Variants in LMNA observed in about 807,000 individuals in gnomAD.
LMNA encodes the protein lamin A/C.
LMNA carries 20 observed loss-of-function variants against 70.4 expected under a neutral mutation model. That is an observed-to-expected ratio of 0.28 (90% CI 0.20 to 0.41). The LOEUF (loss-of-function observed/expected upper bound fraction) is 0.41. LMNA is among the 10% of genes least tolerant of loss of function. The pLI is 1.00. For missense variants in LMNA, 652 were observed against 917.2 expected (o/e 0.71, Z 3.73); for synonymous variants, 339 against 372.8 (o/e 0.91, Z 1.04).
rs924236721 is a variant in LMNA, at chr1:156,139,643, G to T, written c.*537G>T. 1.1e-5 allele frequency: 17 copies of T among 1,479,700 alleles called. No individual in the cohort carries two copies. Among genetic ancestry groups the T allele is most frequent in the Non-Finnish European group, 1.4e-5 (16 of 1,120,510 alleles). 91.7% of individuals were successfully genotyped at this position (1,479,700 alleles called of 1,614,324 possible). A position where few individuals can be genotyped will look rare whatever the true frequency, so the allele number is the denominator to read the frequency against. On this transcript the variant is annotated 3_prime_UTR_variant, in exon 12 of 12. Transcript: ENST00000368300. The stretch of plus-strand genomic sequence containing the variant: ...CGGGCCCCTGGGCTTGGCCTGCTGT[G>T]ATTCCACTACACCTGGCTGAGGTTC...
At chr1:156,133,179 T>C (rs1651230048) in intron 2 of LMNA, among the ~76,000 whole-genome samples, 1 of 152,044 alleles carries the variant, frequency 6.6e-6, no homozygotes, top group African/African-American at 2.4e-5. Context: ...GGTCTTGAAC[T>C]CCTGGCTGCA....
chr1:156,132,812 G>A (rs1290230723), intron 2 of LMNA, among the ~76,000 whole-genome samples: 1 of 148,778 alleles, frequency 6.7e-6, no homozygotes, highest in East Asian at 2.0e-4. Flanking sequence ...TATAAATAGA[G>A]CCATGTTCTC....
rs138889252 is a variant in LMNA at position 156,125,351 on chromosome 1, C to T, written c.357-5266C>T. Among the ~76,000 whole-genome samples, 374 of 152,200 alleles carry T rather than the reference C, an allele frequency of 2.5e-3. 1 individual carries two copies. Among genetic ancestry groups the T allele is most frequent in the Admixed American group, 6.7e-3 (103 of 15,280 alleles). On this transcript the variant is annotated intron_variant, in intron 1 of 11. Coordinates refer to ENST00000368300, the MANE Select transcript of LMNA (RefSeq NM_170707.4). ...AGTGGCTTGGGGTGGCAGCAGAAGA[C>T]GCCCTGTCACATGGCGGGAAGTCAG... is the stretch of plus-strand genomic sequence containing the variant.
At chr1:156,130,836 C>T in intron 2 of LMNA, 63 bp downstream of exon 2, 3 of 1,479,650 alleles carry the variant, frequency 2.0e-6, no homozygotes, top group Non-Finnish European at 2.8e-6. Flanking sequence ...CACTCTTCTA[C>T]CTAGGCCCTC....
intron 3 of LMNA, among the ~76,000 whole-genome samples, chr1:156,104,031 G>A (rs939468579): frequency 2.6e-5 from 4 of 152,180 alleles, no homozygotes; most frequent in Admixed American, 2.6e-4. Flanking sequence ...CCCCACTGAA[G>A]GAGGGATTGG....
chr1:156,113,009 G>A (rs557117394), upstream of LMNA, among the ~76,000 whole-genome samples: 3 of 152,212 alleles, frequency 2.0e-5, no homozygotes, highest in Admixed American at 6.5e-5. Context: ...GAGAGGATAA[G>A]GTGGGACGGG....
chr1:156,130,139 T>G (rs1397466810), intron 1 of LMNA, among the ~76,000 whole-genome samples: 2 of 152,090 alleles, frequency 1.3e-5, no homozygotes, highest in Non-Finnish European at 2.9e-5. Context: ...CCTTTGGGGC[T>G]CAGATCGAGA....
intron 1 of LMNA, among the ~76,000 whole-genome samples, chr1:156,120,801 C>T (rs1452844011): frequency 6.6e-6 from 1 of 152,148 alleles, no homozygotes; most frequent in South Asian, 2.1e-4. Flanking sequence ...ATACCTGGAC[C>T]CAGGACCCCT....
At position 156,135,894 on chromosome 1, in the gene LMNA, C is replaced by T. The variant is rs267607681; in HGVS notation, c.937-7C>T. The stretch of plus-strand genomic sequence containing the variant: ...GGAGCTCACCAAACCCTCCCACCCC[C>T]CTTCAGCTGGCAGCCAAGGAGGCGA... On this transcript the variant is annotated splice_polypyrimidine_tract_variant and splice_region_variant and intron_variant, in intron 5 of 11. Transcript: ENST00000368300. This position sits in a 1 kb window ranked among gnomAD's most constrained non-coding sequence, Gnocchi z 4.8. 4 of 1,612,960 alleles carry T rather than the reference C, an allele frequency of 2.5e-6. No individual in the cohort carries two copies. Among genetic ancestry groups the T allele is most frequent in the African/African-American group, 2.7e-5 (2 of 74,924 alleles).
At chr1:156,107,922 C>T (rs935250252) in intron 3 of LMNA, among the ~76,000 whole-genome samples, 11 of 151,806 alleles carry the variant, frequency 7.2e-5, no homozygotes, top group Admixed American at 3.3e-4. Context: ...CATGCCACCA[C>T]GCCCAGCTGA....
At chr1:156,094,148 A>G (rs1028902002) in intron 3 of LMNA, among the ~76,000 whole-genome samples, 2 of 152,206 alleles carry the variant, frequency 1.3e-5, no homozygotes, top group African/African-American at 4.8e-5. Context: ...ATCCCTAAGC[A>G]TGCATACACC....
At chr1:156,110,159 T>C (rs970348379), upstream of LMNA, among the ~76,000 whole-genome samples, 5 of 152,160 alleles carry the variant, frequency 3.3e-5, no homozygotes. Flanking sequence ...CTCTGCTTTA[T>C]ATTTTTATTT....
At chr1:156,130,188 G>C (rs1227020758) in intron 1 of LMNA, among the ~76,000 whole-genome samples, 1 of 152,190 alleles carries the variant, frequency 6.6e-6, no homozygotes, top group African/African-American at 2.4e-5. Context: ...TAGTTGTCAG[G>C]CTCCTCAGAG....
chr1:156,107,308 A>G (rs1056244317), intron 3 of LMNA, among the ~76,000 whole-genome samples: 1 of 152,192 alleles, frequency 6.6e-6, no homozygotes, highest in African/African-American at 2.4e-5. Flanking sequence ...AACCCATGCC[A>G]GTCCCTAAGT....
intron 3 of LMNA, among the ~76,000 whole-genome samples, chr1:156,107,354 C>T (rs887052691): frequency 1.3e-5 from 2 of 152,174 alleles, no homozygotes; most frequent in African/African-American, 4.8e-5. Context: ...GTGTGGCTGC[C>T]CTGTCTCCCA....
intron 1 of LMNA, chr1:156,123,304 C>T (rs1650326891): frequency 6.6e-6 from 1 of 152,156 alleles, no homozygotes; most frequent in South Asian, 2.1e-4. Context: ...CCCTTTCTTC[C>T]CAAAGCTCTA....
Position 156,139,291 on chromosome 1 carries a change from G to C in LMNA, c.*185G>C. On this transcript the variant is annotated 3_prime_UTR_variant, in exon 12 of 12. Transcript: ENST00000368300. ...TTTCTACAGTGGTTTTATACTGAAG[G>C]AAAAACACAAGCAAAAAAAAAAAAA... The C allele has an allele frequency of 7.7e-7, 1 of 1,303,782 alleles. No individual in the cohort carries two copies. Among genetic ancestry groups the C allele is most frequent in the South Asian group, 2.1e-5 (1 of 46,658 alleles). The allele number at this position is 1,303,782 out of a possible 1,614,324, so 80.8% of individuals were successfully genotyped here. A position where few individuals can be genotyped will look rare whatever the true frequency, so the allele number is the denominator to read the frequency against.
At chr1:156,099,311 G>A (rs1649055499) in intron 3 of LMNA, among the ~76,000 whole-genome samples, 1 of 152,126 alleles carries the variant, frequency 6.6e-6, no homozygotes, top group Admixed American at 6.6e-5. Flanking sequence ...TCTGGGCCTA[G>A]CTCCACCACT....
chr1:156,086,784 A>T (rs1648497302), intron 2 of LMNA, among the ~76,000 whole-genome samples: 1 of 152,062 alleles, frequency 6.6e-6, no homozygotes, highest in Admixed American at 6.6e-5. Context: ...GCATTACAGC[A>T]TGCACCACCA....
Sources: gnomAD v4.1 joint callset for allele counts (sites outside exome capture counted in the v4.1 genomes callset) on GRCh38, gnomAD v4.1.1 for gene constraint, Gnocchi (gnomAD v3.1) non-coding constraint, MANE v1.5 for transcripts, NCBI Gene and HGNC (gene_info 2026-07-23, HGNC 2026-07-21) for gene names.